The following RBFOX1 variants were observed in gnomAD, a reference collection of about 807,000 sequenced individuals.
RBFOX1 encodes RNA binding fox-1 homolog 1, also known as RNA binding protein fox-1 homolog 1.
In RBFOX1, 8 loss-of-function variants were observed where a neutral mutation model predicts 57.7. The observed-to-expected ratio is 0.14, with a 90% CI of 0.08 to 0.25. The LOEUF is 0.25. Ranked by LOEUF, RBFOX1 falls within the 10% of genes least tolerant of loss-of-function variation. RBFOX1 has a pLI of 1.00. For synonymous variants in RBFOX1, 326 were observed against 222.4 expected (o/e 1.47, Z -4.15); for missense variants, 611 against 548.5 (o/e 1.11, Z -1.14).
At chr16:7,322,728 A>G (rs1055958444) in intron 4 of RBFOX1, among the ~76,000 whole-genome samples, 10 of 152,188 alleles carry the variant, frequency 6.6e-5, no homozygotes, top group Admixed American at 2.0e-4. Context: ...AAGAGGCTCA[A>G]TGGTATGGGA....
In RBFOX1 at chr16:5,880,928, G is replaced by A. The variant is rs140874811; in HGVS notation, c.351+13593G>A. 7.9e-5 allele frequency among the ~76,000 whole-genome samples: 12 copies of A among 152,232 alleles called. No homozygotes were observed. In the East Asian group the frequency reaches 1.4e-3, roughly 17 times the overall value. On this transcript the variant is annotated intron_variant, in intron 4 of 19. Transcript: ENST00000641259. ...GTAATTACCATAATTTGGAAGTAGC[G>A]ATAAGCATTATGATATTTTGAGATA...
intron 2 of RBFOX1, among the ~76,000 whole-genome samples, chr16:6,430,213 T>C (rs1422604427): frequency 6.6e-6 from 1 of 152,126 alleles, no homozygotes; most frequent in Non-Finnish European, 1.5e-5. Flanking sequence ...AACAGACTAA[T>C]ACACCTACTG....
intron 2 of RBFOX1, among the ~76,000 whole-genome samples, chr16:5,523,616 A>AAAACAAACAAAC (rs79122543): frequency 4.6e-5 from 7 of 151,420 alleles, no homozygotes; most frequent in Admixed American, 2.0e-4. Context: ...GACCCTGTCT[A>AAAACAAACAAAC]AAACAAACAA....
chr16:6,832,398 CTTAA>C (rs1567461561), intron 3 of RBFOX1, among the ~76,000 whole-genome samples: 1 of 152,138 alleles, frequency 6.6e-6, no homozygotes, highest in Non-Finnish European at 1.5e-5. Flanking sequence ...CAGATTGCTA[CTTAA>C]TAGTGACTGA....
At chr16:6,654,800 C>A in intron 3 of RBFOX1, 150 bp downstream of exon 3, 1 of 566,906 alleles carries the variant, frequency 1.8e-6, no homozygotes, top group Non-Finnish European at 2.9e-6. Flanking sequence ...CTTAAAAATG[C>A]TTGTCATTTT....
At chr16:5,673,430 ACTT>A (rs140382311) in intron 3 of RBFOX1, among the ~76,000 whole-genome samples, 4,538 of 152,228 alleles carry the variant, frequency 0.03, 242 homozygotes, top group African/African-American at 0.1. Flanking sequence ...GTCCAGAACT[ACTT>A]CTGTGGATTT....
At chr16:6,741,297 A>G (rs1354329019) in intron 3 of RBFOX1, among the ~76,000 whole-genome samples, 1 of 152,180 alleles carries the variant, frequency 6.6e-6, no homozygotes, top group Non-Finnish European at 1.5e-5. Flanking sequence ...TATAGGAAAA[A>G]TATCTTTCGA....
At chr16:5,610,790 C>T (rs1156795803) in intron 3 of RBFOX1, 9 of 152,134 alleles carry the variant, frequency 5.9e-5, no homozygotes, top group African/African-American at 2.2e-4. Flanking sequence ...ATCGCTTGAG[C>T]CCAGGAGATT....
Position 7,666,434 on chromosome 16 carries a change from A to C in RBFOX1, c.930+1466A>C, listed in dbSNP as rs1007074708. 2.0e-5 allele frequency among the ~76,000 whole-genome samples: 3 copies of C among 152,132 alleles called. No homozygotes were observed. In the East Asian group the frequency reaches 5.8e-4, roughly 29 times the overall value. ...TCCTGAGTTTAGTTAAAAGTATTTCACAATCATTTAGTGAGTGTCCACCTC... is the reference window on the plus strand; with the variant it reads ...TCCTGAGTTTAGTTAAAAGTATTTCCCAATCATTTAGTGAGTGTCCACCTC... On this transcript the variant is annotated intron_variant, in intron 13 of 15. Transcript: ENST00000550418.
chr16:6,513,748 C>CA (rs200543411), intron 2 of RBFOX1, among the ~76,000 whole-genome samples: 12 of 149,946 alleles, frequency 8.0e-5, no homozygotes, highest in African/African-American at 2.7e-4. Context: ...AACAAACAAA[C>CA]AAACAAAAAA....
At chr16:6,109,919 C>T (rs1353900782) in intron 1 of RBFOX1, among the ~76,000 whole-genome samples, 2 of 152,110 alleles carry the variant, frequency 1.3e-5, no homozygotes, top group Non-Finnish European at 2.9e-5. Context: ...GAGCTTTTCT[C>T]CAGTTGTAGC....
chr16:5,746,946 A>C (rs369681706), intron 3 of RBFOX1, among the ~76,000 whole-genome samples: 2 of 152,262 alleles, frequency 1.3e-5, no homozygotes, highest in Admixed American at 6.5e-5. Context: ...TCTCCTGCCT[A>C]ATTGCCCTGG....
chr16:6,471,861 C>T (rs528438126), intron 2 of RBFOX1, among the ~76,000 whole-genome samples: 2 of 152,144 alleles, frequency 1.3e-5, no homozygotes, highest in South Asian at 2.1e-4. Flanking sequence ...CACAGGAAGT[C>T]GACTTGCATC....
At chr16:7,261,963 T>G (rs1285199627) in intron 4 of RBFOX1, among the ~76,000 whole-genome samples, 1 of 152,234 alleles carries the variant, frequency 6.6e-6, no homozygotes, top group Non-Finnish European at 1.5e-5. Context: ...GTAGGGTGGC[T>G]GTTGTTAAAT....
intron 2 of RBFOX1, among the ~76,000 whole-genome samples, chr16:6,474,366 CTT>C (rs1036711970): frequency 1.3e-5 from 2 of 152,192 alleles, no homozygotes; most frequent in Non-Finnish European, 2.9e-5. Flanking sequence ...GAAAAAGACT[CTT>C]TTCCTGTCAG....
At chr16:7,667,769 C>T (rs1244148145) in intron 13 of RBFOX1, among the ~76,000 whole-genome samples, 1 of 152,106 alleles carries the variant, frequency 6.6e-6, no homozygotes, top group Non-Finnish European at 1.5e-5. Context: ...CCTCTGCCCC[C>T]TGGAAGCAAT....
intron 3 of RBFOX1, among the ~76,000 whole-genome samples, chr16:5,668,249 C>G (rs146611611): frequency 1.9e-4 from 29 of 152,210 alleles, no homozygotes; most frequent in Middle Eastern, 3.4e-3. Flanking sequence ...CCACTGCACT[C>G]CAGCCTGGGC....
intron 5 of RBFOX1, among the ~76,000 whole-genome samples, chr16:7,569,080 C>T (rs549981990): frequency 3.9e-5 from 6 of 152,056 alleles, no homozygotes; most frequent in South Asian, 2.1e-4. Flanking sequence ...TATCCGTTAT[C>T]GCTTTTTCTT....
In RBFOX1 at chr16:6,416,689, C is replaced by T. The variant is rs150022270; in HGVS notation, c.-64+99632C>T. 2.6e-5 allele frequency among the ~76,000 whole-genome samples: 4 copies of T among 152,226 alleles called. No individual in the cohort carries two copies. The East Asian group carries it at 7.8e-4, about 30-fold the overall frequency. The stretch of plus-strand genomic sequence containing the variant: ...AAGGGAGAATATGCCATTTCCACGC[C>T]CATGTTACTGCTGCATTCGCACCTG... On this transcript the variant is annotated intron_variant, in intron 2 of 15. Transcript: ENST00000550418.
Sources: gnomAD v4.1 joint callset for allele counts (sites outside exome capture counted in the v4.1 genomes callset) on GRCh38, gnomAD v4.1.1 for gene constraint, MANE v1.5 for transcripts, NCBI Gene and HGNC (gene_info 2026-07-23, HGNC 2026-07-21) for gene names.